Variants in LCORL observed in about 807,000 individuals in gnomAD.
The protein encoded by LCORL is ligand-dependent nuclear receptor corepressor-like protein.
Under a neutral mutation model 141.8 loss-of-function variants are expected in LCORL, and 41 were observed. The ratio of observed to expected loss-of-function variants is 0.29; its 90% CI spans 0.23 to 0.38. The LOEUF is 0.38. Among genes scored for constraint, LCORL ranks in the 10% least tolerant of loss-of-function variants. The pLI is 1.00. For synonymous variants in LCORL, 618 were observed against 694.1 expected, an observed-to-expected ratio of 0.89 and a Z score of 1.72; for missense variants, 1,759 against 2,035.0, an observed-to-expected ratio of 0.86 and a Z score of 2.61.
chr4:17,929,433 T>C (rs917582633), intron 4 of LCORL, among the ~76,000 whole-genome samples: 10 of 152,126 alleles, frequency 6.6e-5, no homozygotes, highest in Non-Finnish European at 1.3e-4. Context: ...TGTAGAACAA[T>C]GGAAAAGAAT....
exon 8 of LCORL, chr4:17,842,709 T>C (rs752164509): frequency 4.4e-6 from 1 of 228,638 alleles, no homozygotes; most frequent in South Asian, 6.6e-5. Context: ...TACACTTACA[T>C]ACTGATAGAA....
chr4:17,844,458 A>G (rs183980939), exon 8 of LCORL: 1 of 152,578 alleles, frequency 6.6e-6, no homozygotes, highest in African/African-American at 2.4e-5. Context: ...CTAAAGTAAG[A>G]TCACTGGTTT....
At position 17,875,753 on chromosome 4, in the gene LCORL, AC is replaced by A; in HGVS notation, c.3236del (p.Gly1079ValfsTer6). On this transcript the variant is annotated frameshift_variant, in exon 7 of 8. Coordinates refer to ENST00000635767, the Ensembl canonical transcript of LCORL. LOFTEE classifies it high-confidence loss of function. The stretch of plus-strand genomic sequence containing the variant: ...CTTGGGGACCTATTTTTTTTGGTCT[AC>A]CTGGTTTTCTTTTAAAAGATGGATC... 8.1e-7 allele frequency: 1 copy of A among 1,231,032 alleles called. No homozygotes were observed. Among genetic ancestry groups the A allele is most frequent in the Admixed American group, 4.2e-5 (1 of 23,586 alleles). The allele number at this position is 1,231,032 out of a possible 1,614,324, so 76.3% of individuals were successfully genotyped here.
chr4:17,995,205 A>AT (rs10602340), intron 1 of LCORL, among the ~76,000 whole-genome samples: 1,576 of 134,616 alleles, frequency 0.012, 17 homozygotes, highest in South Asian at 0.023. Context: ...TCTTTTAAGC[A>AT]TTTTTTTTTT....
chr4:17,984,129 T>G (rs549677320), intron 1 of LCORL, among the ~76,000 whole-genome samples: 2 of 152,146 alleles, frequency 1.3e-5, no homozygotes, highest in Non-Finnish European at 2.9e-5. Flanking sequence ...TACCTGATAG[T>G]GGTGTATTAG....
rs906845311 is a variant in LCORL, at chr4:18,021,854, G to A, written c.-103C>T. 1 of 1,322,596 alleles carries A rather than the reference G, an allele frequency of 7.6e-7. No individual in the cohort carries two copies. Among genetic ancestry groups the A allele is most frequent in the Non-Finnish European group, 9.8e-7 (1 of 1,017,110 alleles). 81.9% of individuals were successfully genotyped at this position (1,322,596 alleles called of 1,614,324 possible). On this transcript the variant is annotated 5_prime_UTR_variant, in exon 1 of 8. Transcript: ENST00000635767. The surrounding 1 kb of genome is among the most constrained non-coding windows in gnomAD (Gnocchi z 5.5). Reference sequence around the variant, plus strand: ...GCCCCGGAGCGCGCGCCCCCCGGAGGGGGGTTGATTGACACGTGTCACTAC... The same window carrying A: ...GCCCCGGAGCGCGCGCCCCCCGGAGAGGGGTTGATTGACACGTGTCACTAC...
chr4:17,898,652 G>GTTTT (rs34770223), intron 5 of LCORL, among the ~76,000 whole-genome samples: 2,001 of 119,156 alleles, frequency 0.017, 68 homozygotes, highest in African/African-American at 0.058. Flanking sequence ...CATTCTCACC[G>GTTTT]TTTTTTTTTT....
intron 5 of LCORL, among the ~76,000 whole-genome samples, chr4:17,905,305 T>C (rs984127411): frequency 1.3e-5 from 2 of 152,106 alleles, no homozygotes; most frequent in African/African-American, 4.8e-5. Flanking sequence ...TTTTGTAGAA[T>C]AACTTTTTTT....
chr4:17,850,924 T>C (rs1723591686), intron 7 of LCORL, among the ~76,000 whole-genome samples: 1 of 150,134 alleles, frequency 6.7e-6, no homozygotes. Context: ...GTGGCACATA[T>C]ACACCATGGA....
intron 1 of LCORL, among the ~76,000 whole-genome samples, chr4:17,999,285 C>T (rs903696863): frequency 8.6e-5 from 13 of 151,628 alleles, no homozygotes; most frequent in African/African-American, 3.2e-4. Context: ...AACCCCGTCT[C>T]TACTAAAAAT....
chr4:18,008,333 C>G (rs934380410), intron 1 of LCORL, among the ~76,000 whole-genome samples: 1 of 152,134 alleles, frequency 6.6e-6, no homozygotes, highest in Non-Finnish European at 1.5e-5. Context: ...ATACAGAAGT[C>G]CCGGTTCTCT....
At chr4:17,931,339 A>G (rs1736005852) in intron 4 of LCORL, among the ~76,000 whole-genome samples, 1 of 151,530 alleles carries the variant, frequency 6.6e-6, no homozygotes, top group Non-Finnish European at 1.5e-5. Context: ...TTTTGCTTTA[A>G]TCTTTATTAT....
At chr4:17,848,704 G>T (rs1431508077) in intron 7 of LCORL, among the ~76,000 whole-genome samples, 1 of 152,242 alleles carries the variant, frequency 6.6e-6, no homozygotes, top group South Asian at 2.1e-4. Flanking sequence ...AGTGCACCGT[G>T]TGCGAGCCGA....
At chr4:17,962,729 TA>T (rs1378841950) in intron 3 of LCORL, among the ~76,000 whole-genome samples, 3 of 151,378 alleles carry the variant, frequency 2.0e-5, no homozygotes, top group Non-Finnish European at 4.4e-5. Flanking sequence ...TAAGTAAGAG[TA>T]AGAAAGAAAT....
At chr4:17,928,368 C>T (rs925837690) in intron 4 of LCORL, among the ~76,000 whole-genome samples, 9 of 152,168 alleles carry the variant, frequency 5.9e-5, no homozygotes, top group Non-Finnish European at 1.3e-4. Context: ...ACCATGGCTG[C>T]ACCACTGCCA....
intron 4 of LCORL, among the ~76,000 whole-genome samples, chr4:17,935,045 TA>T (rs1202147185): frequency 1.3e-5 from 2 of 151,964 alleles, no homozygotes; most frequent in Non-Finnish European, 1.5e-5. Context: ...CAGTTCTGAC[TA>T]AAAAAAAGTG....
intron 4 of LCORL, among the ~76,000 whole-genome samples, chr4:17,919,551 T>C (rs1733973608): frequency 2.0e-5 from 3 of 152,210 alleles, no homozygotes; most frequent in Non-Finnish European, 4.4e-5. Context: ...AATTTTTTGC[T>C]TTCCCAGTAC....
In LCORL at chr4:17,875,664, A is replaced by T. The variant is rs1184983031; in HGVS notation, c.3326T>A (p.Ile1109Asn). 4 of 1,231,158 alleles carry T rather than the reference A, an allele frequency of 3.2e-6. No homozygotes were observed. In the African/African-American group the frequency reaches 6.2e-5, roughly 19 times the overall value. 76.3% of individuals were successfully genotyped at this position (1,231,158 alleles called of 1,614,324 possible). Residue 1109 changes from isoleucine to asparagine, a missense_variant, in exon 7 of 8, where the codon ATC becomes AAC. Physicochemically the swap from Ile to Asn is moderately radical, Grantham distance 149. This residue lies in a region of LCORL where 1,311 missense variants were observed against 1,531.3 expected (regional missense o/e 0.86). Coordinates refer to ENST00000635767, the Ensembl canonical transcript of LCORL. Reference sequence around the variant, plus strand: ...AAAGGGCTCATTCTGGCAAACAGTGATGTTTGTTTGATCAATTTTAGGCTT... The same window carrying T: ...AAAGGGCTCATTCTGGCAAACAGTGTTGTTTGTTTGATCAATTTTAGGCTT...
At chr4:17,894,794 G>C (rs952907361) in intron 5 of LCORL, among the ~76,000 whole-genome samples, 3 of 151,936 alleles carry the variant, frequency 2.0e-5, no homozygotes, top group South Asian at 2.1e-4. Flanking sequence ...GGATTCTCAG[G>C]GCTTCCTGAC....
Sources: allele counts gnomAD v4.1 joint callset (sites outside exome capture counted in the v4.1 genomes callset), GRCh38; gene constraint gnomAD v4.1.1; regional missense constraint gnomAD v4.1.1; non-coding constraint Gnocchi (gnomAD v3.1); transcripts MANE v1.5; gene names NCBI Gene and HGNC (gene_info 2026-07-23, HGNC 2026-07-21).